The following FASTKD5 variants were observed in gnomAD, a reference collection of about 807,000 sequenced individuals.
FASTKD5 encodes the protein non-canonical pre-mRNAs endonuclease FASTKD5, mitochondrial.
Under a neutral mutation model 44.0 loss-of-function variants are expected in FASTKD5, and 30 were observed. That is an observed-to-expected ratio of 0.68 (90% CI 0.51 to 0.93). FASTKD5 has a LOEUF of 0.93. Among genes scored for constraint, FASTKD5 ranks in the 40% least tolerant of loss-of-function variants. The probability of loss-of-function intolerance (pLI) is 0.00; values close to 1 mark genes in which losing one functional copy is unlikely to be tolerated. For missense variants in FASTKD5, 868 were observed against 908.2 expected, an observed-to-expected ratio of 0.96 and a Z score of 0.57; for synonymous variants, 335 against 342.2, an observed-to-expected ratio of 0.98 and a Z score of 0.23.
Position 3,146,690 on chromosome 20 carries a change from T to G in FASTKD5, c.*86A>C, listed in dbSNP as rs1054926074. 37 of 1,481,218 alleles carry G rather than the reference T, an allele frequency of 2.5e-5. No homozygotes were observed. The highest frequency in any genetic ancestry group is 4.2e-5 in the African/African-American group (3 of 70,992). 91.8% of individuals were successfully genotyped at this position (1,481,218 alleles called of 1,614,324 possible). A position where few individuals can be genotyped will look rare whatever the true frequency, so the allele number is the denominator to read the frequency against. Reference sequence around the variant, plus strand: ...TCAACACACTATTTTATCGCCAAACTTACATTCTGGCTTTTATAATCATTT... The same window carrying G: ...TCAACACACTATTTTATCGCCAAACGTACATTCTGGCTTTTATAATCATTT... On this transcript the variant is annotated 3_prime_UTR_variant, in exon 2 of 2. Coordinates refer to ENST00000380266, the MANE Select transcript of FASTKD5 (RefSeq NM_021826.5).
intron 1 of FASTKD5, 135 bp downstream of exon 1, chr20:3,159,631 C>T (rs1433908225): frequency 1.3e-5 from 2 of 152,338 alleles, no homozygotes; most frequent in Admixed American, 1.3e-4. Context: ...CAACCCAGGC[C>T]AAGAGCTGAA....
At chr20:3,153,531 C>T (rs1353640023) in intron 1 of FASTKD5, among the ~76,000 whole-genome samples, 2 of 152,220 alleles carry the variant, frequency 1.3e-5, no homozygotes, top group Non-Finnish European at 1.5e-5. Context: ...ATATTAAAGA[C>T]TGTCTGACTC....
At position 3,147,891 on chromosome 20, in the gene FASTKD5, T is replaced by A; in HGVS notation, c.1180A>T (p.Met394Leu). ...RIPSLGVQGV[M>L]HLTLYCSALR... ...GCCGAGCAGTAAAGAGTCAGGTGCA[T>A]GACACCTTGAACTCCCAGGGAAGGA... is the stretch of plus-strand genomic sequence containing the variant. The change falls in exon 2 of 2, where the codon ATG (methionine) becomes TTG (leucine). Residue 394 changes from methionine to leucine, a missense_variant. Coordinates refer to ENST00000380266, the MANE Select transcript of FASTKD5 (RefSeq NM_021826.5). 6.2e-7 allele frequency: 1 copy of A among 1,614,242 alleles called. No homozygotes were observed.
chr20:3,155,006 T>C (rs1251104026), intron 1 of FASTKD5, among the ~76,000 whole-genome samples: 3 of 129,756 alleles, frequency 2.3e-5, no homozygotes, highest in African/African-American at 3.1e-5. Flanking sequence ...TGAACCAAGA[T>C]CGTGCCACTG....
intron 1 of FASTKD5, among the ~76,000 whole-genome samples, chr20:3,153,302 C>T (rs1333450332): frequency 6.6e-6 from 1 of 152,222 alleles, no homozygotes; most frequent in Non-Finnish European, 1.5e-5. Flanking sequence ...TGTAAAAACA[C>T]AGGCTAAGAT....
At chr20:3,150,308 A>T (rs116712514) in intron 1 of FASTKD5, among the ~76,000 whole-genome samples, 2,174 of 152,266 alleles carry the variant, frequency 0.014, 28 homozygotes, top group South Asian at 0.043. Context: ...TGGGAAGCAA[A>T]GAGTACCCCA....
At chr20:3,159,092 A>AT (rs374808977) in intron 1 of FASTKD5, among the ~76,000 whole-genome samples, 189 of 152,336 alleles carry the variant, frequency 1.2e-3, no homozygotes, top group Non-Finnish European at 2.4e-3. Flanking sequence ...GTCAAGACAG[A>AT]AGAGCTGTGT....
At chr20:3,152,528 T>C (rs2066641469) in intron 1 of FASTKD5, among the ~76,000 whole-genome samples, 1 of 151,402 alleles carries the variant, frequency 6.6e-6, no homozygotes. Context: ...AAGACCTACT[T>C]TCGAATTTGG....
At chr20:3,152,188 G>A (rs2148624905) in intron 1 of FASTKD5, among the ~76,000 whole-genome samples, 1 of 150,556 alleles carries the variant, frequency 6.6e-6, no homozygotes, top group South Asian at 2.1e-4. Context: ...CTTTTAAGAA[G>A]ACCTATTTTT....
In FASTKD5 at chr20:3,148,130, T is replaced by C. The variant is rs200477217; in HGVS notation, c.941A>G (p.Asn314Ser). 5.0e-5 allele frequency: 81 copies of C among 1,613,960 alleles called. No individual in the cohort carries two copies. In the East Asian group the frequency reaches 8.9e-4, roughly 18 times the overall value. Residue 314 changes from asparagine (N) to serine (S), a missense_variant, in exon 2 of 2, where the codon AAT becomes AGT. Coordinates refer to ENST00000380266, the MANE Select transcript of FASTKD5 (RefSeq NM_021826.5). Reference protein sequence around the residue: ...SLILKYIDLINLEEVGTICLG... With the variant: ...SLILKYIDLISLEEVGTICLG... The stretch of plus-strand genomic sequence containing the variant: ...ACAGATGGTACCAACCTCCTCCAAA[T>C]TGATCAAATCTATATATTTAAGGAT...
At chr20:3,157,440 C>T (rs573580782) in intron 1 of FASTKD5, among the ~76,000 whole-genome samples, 10 of 152,360 alleles carry the variant, frequency 6.6e-5, no homozygotes, top group Non-Finnish European at 1.2e-4. Context: ...AGGAGAAAAA[C>T]AGCACATCAC....
Position 3,147,594 on chromosome 20 carries a change from C to G in FASTKD5, c.1477G>C (p.Ala493Pro). 6.2e-7 allele frequency: 1 copy of G among 1,614,128 alleles called. No homozygotes were observed. Among genetic ancestry groups the G allele is most frequent in the Non-Finnish European group, 8.5e-7 (1 of 1,180,022 alleles). Residue 493 changes from alanine to proline, a missense_variant, in exon 2 of 2, where the codon GCT becomes CCT. Physicochemically the swap from Ala to Pro is conservative, Grantham distance 27 (BLOSUM62 -1). Coordinates refer to ENST00000380266, the MANE Select transcript of FASTKD5 (RefSeq NM_021826.5). ...AACCTGACAAACCCTGGACTGAGAGCGAAATCAATTAACTCTACTGGAAAG... is the reference window on the plus strand; with the variant it reads ...AACCTGACAAACCCTGGACTGAGAGGGAAATCAATTAACTCTACTGGAAAG... ...EYFPVELIDFALSPGFVRLAQ... is the reference protein window; with the variant it reads ...EYFPVELIDFPLSPGFVRLAQ...
Position 3,148,429 on chromosome 20 carries a change from G to C in FASTKD5, c.642C>G (p.Val214=), listed in dbSNP as rs1325812924. 1.9e-6 allele frequency: 3 copies of C among 1,613,984 alleles called. No individual in the cohort carries two copies. In the African/African-American group the frequency reaches 4.0e-5, roughly 22 times the overall value. ...AATGGGAGTGAGGGATTCCTAAAATGACAAAAGCTTTCAAAACATTGATCA... is the reference window on the plus strand; with the variant it reads ...AATGGGAGTGAGGGATTCCTAAAATCACAAAAGCTTTCAAAACATTGATCA... The part of the protein sequence containing the change: ...QDLINVLKAF[V]ILGIPHSHSM... Residue 214 remains valine, a synonymous_variant, in exon 2 of 2, where the codon GTC becomes GTG. Transcript: ENST00000380266.
chr20:3,154,589 G>A (rs2066665367), intron 1 of FASTKD5, among the ~76,000 whole-genome samples: 1 of 152,078 alleles, frequency 6.6e-6, no homozygotes, highest in East Asian at 1.9e-4. Context: ...AGGTAGAAGT[G>A]GGAAGGTTGC....
intron 1 of FASTKD5, among the ~76,000 whole-genome samples, chr20:3,154,037 CAA>C (rs1232211221): frequency 3.3e-5 from 5 of 152,138 alleles, no homozygotes; most frequent in Non-Finnish European, 1.5e-5. Context: ...CTACATGAGG[CAA>C]AGAGTTCGCA....
In FASTKD5 at chr20:3,149,281, G is replaced by T; in HGVS notation, c.-190-21C>A. ...AGATACTGAAAAAAGGGTAGATGAA[G>T]AATGAGTGGCTTCTACCTATAAAAG... On this transcript the variant is annotated intron_variant, in intron 1 of 1. Transcript: ENST00000380266. The surrounding 1 kb of genome is among the most constrained non-coding windows in gnomAD (Gnocchi z 4.1). 1.8e-6 allele frequency: 1 copy of T among 554,416 alleles called. No homozygotes were observed. 34.3% of individuals were successfully genotyped at this position (554,416 alleles called of 1,614,324 possible).
In FASTKD5 at chr20:3,149,122, T is replaced by C; in HGVS notation, c.-52A>G. On this transcript the variant is annotated 5_prime_UTR_variant, in exon 2 of 2. Coordinates refer to ENST00000380266, the MANE Select transcript of FASTKD5 (RefSeq NM_021826.5). The surrounding 1 kb of genome is among the most constrained non-coding windows in gnomAD (Gnocchi z 4.1). ...CAGTCAGAATACAGTCCTCACAGAT[T>C]TGACCAGGCAATTTCTTGTTTATAT... The C allele has an allele frequency of 6.5e-7, 1 of 1,540,456 alleles. No homozygotes were observed. The highest frequency in any genetic ancestry group is 8.7e-7 in the Non-Finnish European group (1 of 1,144,854).
chr20:3,150,584 TG>T (rs1281582181), intron 1 of FASTKD5: 2 of 152,192 alleles, frequency 1.3e-5, no homozygotes, highest in African/African-American at 4.8e-5. Context: ...AGTTGTCAAC[TG>T]ATGTACCAGA....
chr20:3,157,021 G>C (rs1183283794), intron 1 of FASTKD5, among the ~76,000 whole-genome samples: 27 of 152,108 alleles, frequency 1.8e-4, no homozygotes. Context: ...CAGCACTTTG[G>C]AAGGCCGAGC....
Sources: gnomAD v4.1 joint callset for allele counts (sites outside exome capture counted in the v4.1 genomes callset) on GRCh38, gnomAD v4.1.1 for gene constraint, Gnocchi (gnomAD v3.1) non-coding constraint, MANE v1.5 for transcripts, NCBI Gene and HGNC (gene_info 2026-07-23, HGNC 2026-07-21) for gene names.